Variants in CACNA1C observed in about 807,000 individuals in gnomAD.
The protein encoded by CACNA1C is voltage-dependent L-type calcium channel subunit alpha-1C.
A neutral mutation model predicts 229.0 loss-of-function variants in CACNA1C; 30 were observed. The ratio of observed to expected loss-of-function variants is 0.13; its 90% CI spans 0.10 to 0.18. The LOEUF is 0.18. Ranked by LOEUF, CACNA1C falls within the 10% of genes least tolerant of loss-of-function variation. CACNA1C has a pLI of 1.00. For synonymous variants in CACNA1C, 1,114 were observed against 1,132.5 expected (o/e 0.98, Z 0.33); for missense variants, 1,658 against 2,845.0 (o/e 0.58, Z 9.49).
At chr12:2,194,939 C>T (rs912720962) in intron 3 of CACNA1C, among the ~76,000 whole-genome samples, 6 of 152,170 alleles carry the variant, frequency 3.9e-5, no homozygotes, top group Admixed American at 1.3e-4. Context: ...CACTTTATTC[C>T]CAAGAGCAAA....
chr12:2,619,432 C>G (rs1175097155), intron 29 of CACNA1C, among the ~76,000 whole-genome samples: 1 of 152,174 alleles, frequency 6.6e-6, no homozygotes, highest in East Asian at 1.9e-4. Flanking sequence ...TTTAAATGGG[C>G]CCTTTTGCAA....
chr12:2,430,241 A>C (rs2099069555), intron 3 of CACNA1C, among the ~76,000 whole-genome samples: 1 of 152,148 alleles, frequency 6.6e-6, no homozygotes, highest in South Asian at 2.1e-4. Context: ...TAGGATTTCA[A>C]CATAGGAATT....
chr12:2,568,506 T>C (rs768374226), intron 13 of CACNA1C, among the ~76,000 whole-genome samples: 4 of 152,192 alleles, frequency 2.6e-5, no homozygotes, highest in Non-Finnish European at 5.9e-5. Context: ...CAAAGAGATA[T>C]TTGCACACCC....
chr12:2,318,666 A>G (rs4765918), intron 3 of CACNA1C, among the ~76,000 whole-genome samples: 150,872 of 152,306 alleles, frequency 0.99, 74,754 homozygotes, highest in Middle Eastern at 1. Flanking sequence ...TTTACAGATC[A>G]CCAGACAGGC....
rs1430516663 is a variant in CACNA1C, at chr12:2,512,868, G to A, written c.1274G>A (p.Arg425Gln). 1 of 1,613,096 alleles carries A rather than the reference G, an allele frequency of 6.2e-7. No individual in the cohort carries two copies. Among genetic ancestry groups the A allele is most frequent in the Non-Finnish European group, 8.5e-7 (1 of 1,179,392 alleles). ...AKARGDFQKLREKQQLEEDLK... is the reference protein window; with the variant it reads ...AKARGDFQKLQEKQQLEEDLK... ...GCCCGGGGAGATTTCCAGAAGCTGC[G>A]GGAGAAGCAGCAGCTAGAAGAGGAT... Residue 425 changes from arginine (R) to glutamine (Q), a missense_variant, in exon 9 of 47, where the codon CGG becomes CAG. Around this residue, in one of 20 missense-constraint regions of CACNA1C, gnomAD observed 84 missense variants for 202.6 expected, o/e 0.41. Coordinates refer to ENST00000399655, the MANE Select transcript of CACNA1C (RefSeq NM_000719.7). This position sits in a 1 kb window ranked among gnomAD's most constrained non-coding sequence, Gnocchi z 4.3.
intron 7 of CACNA1C, among the ~76,000 whole-genome samples, chr12:2,503,056 C>T (rs1361014453): frequency 1.3e-5 from 2 of 152,322 alleles, no homozygotes; most frequent in East Asian, 3.9e-4. Context: ...TGTGGAGGTA[C>T]ATGGAGAGCC....
Position 2,679,607 on chromosome 12 carries a change from C to G in CACNA1C, c.5255C>G (p.Thr1752Ser). 6.2e-7 allele frequency: 1 copy of G among 1,613,882 alleles called. No individual in the cohort carries two copies. Among genetic ancestry groups the G allele is most frequent in the Non-Finnish European group, 8.5e-7 (1 of 1,179,856 alleles). Residue 1752 changes from threonine to serine, a missense_variant, in exon 42 of 47, where the codon ACC (threonine) becomes AGC (serine). Physicochemically the swap from Thr to Ser is moderately conservative, Grantham distance 58 (BLOSUM62 1). This residue lies in a region of CACNA1C where 590 missense variants were observed against 700.8 expected (regional missense o/e 0.84). Coordinates refer to ENST00000399655, the MANE Select transcript of CACNA1C (RefSeq NM_000719.7). The surrounding 1 kb of genome is among the most constrained non-coding windows in gnomAD (Gnocchi z 5.5). ...SPSHEKLVDS[T>S]FTPSSYSSTG... ...TCCCACGAGAAGCTGGTGGACTCCA[C>G]CTTCACCCCGAGCAGCTACTCGTCC...
Position 2,346,361 on chromosome 12 carries a change from T to C in CACNA1C, c.478-102615T>C, listed in dbSNP as rs1016336525. 3.3e-5 allele frequency among the ~76,000 whole-genome samples: 5 copies of C among 152,048 alleles called. No individual in the cohort carries two copies. Among genetic ancestry groups the C allele is most frequent in the Admixed American group, 3.3e-4 (5 of 15,280 alleles). Reference sequence around the variant, plus strand: ...GTGTGTGCCTATGTATGTCTCTGTGTTTGTGTGTTTGTGTGTCTATGTCTG... The same window carrying C: ...GTGTGTGCCTATGTATGTCTCTGTGCTTGTGTGTTTGTGTGTCTATGTCTG... On this transcript the variant is annotated intron_variant, in intron 3 of 46. Transcript: ENST00000399655. This position sits in a 1 kb window ranked among gnomAD's most constrained non-coding sequence, Gnocchi z 4.4.
chr12:2,313,591 T>C (rs755532115), intron 3 of CACNA1C, among the ~76,000 whole-genome samples: 2 of 152,230 alleles, frequency 1.3e-5, no homozygotes, highest in Non-Finnish European at 2.9e-5. Context: ...TTTGGTTTCC[T>C]TGGTTCATTT....
Position 2,302,825 on chromosome 12 carries a change from C to T in CACNA1C, c.478-146151C>T, listed in dbSNP as rs2094676734. ...AGAATGGTATTTTGGTCTATTTTGTCTCTCTGCCCTCTGTGTTCTAATTTG... is the reference window on the plus strand; with the variant it reads ...AGAATGGTATTTTGGTCTATTTTGTTTCTCTGCCCTCTGTGTTCTAATTTG... On this transcript the variant is annotated intron_variant, in intron 3 of 46. Transcript: ENST00000399655. Among the ~76,000 whole-genome samples, 3 of 152,354 alleles carry T rather than the reference C, an allele frequency of 2.0e-5. No individual in the cohort carries two copies. The East Asian group carries it at 5.8e-4, about 29-fold the overall frequency.
At chr12:2,297,565 G>A (rs1475582137) in intron 3 of CACNA1C, among the ~76,000 whole-genome samples, 2 of 152,222 alleles carry the variant, frequency 1.3e-5, no homozygotes, top group African/African-American at 4.8e-5. Flanking sequence ...GTAGAAAGCA[G>A]ACGCCCAGGT....
In CACNA1C at chr12:2,653,894, G is replaced by A. The variant is rs774220604; in HGVS notation, c.4134G>A (p.Gly1378=). The A allele has an allele frequency of 1.2e-6, 2 of 1,613,612 alleles. No homozygotes were observed. The highest frequency in any genetic ancestry group is 1.3e-5 in the African/African-American group (1 of 74,898). The part of the protein sequence containing the change: ...VMLFFIYAVI[G]MQVFGKIALN... ...TGTTCTTCATCTACGCGGTGATCGG[G>A]ATGCAGGTAGGGAGGCTCCCACCAC... Residue 1378 remains glycine (G), a synonymous_variant, in exon 33 of 47, where the codon GGG becomes GGA. Coordinates refer to ENST00000399655, the MANE Select transcript of CACNA1C (RefSeq NM_000719.7). The surrounding 1 kb of genome is among the most constrained non-coding windows in gnomAD (Gnocchi z 4.7).
intron 3 of CACNA1C, among the ~76,000 whole-genome samples, chr12:2,339,363 A>T (rs1363926555): frequency 6.6e-6 from 1 of 152,282 alleles, no homozygotes; most frequent in South Asian, 2.1e-4. Context: ...TGTGTGAGTC[A>T]TGAGTGAGTG....
At chr12:2,491,024 A>G (rs571772861) in intron 6 of CACNA1C, among the ~76,000 whole-genome samples, 2 of 152,362 alleles carry the variant, frequency 1.3e-5, no homozygotes, top group East Asian at 1.9e-4. Context: ...TAAACATACA[A>G]TGAAATACAC....
intron 3 of CACNA1C, among the ~76,000 whole-genome samples, chr12:2,284,178 G>A (rs928692602): frequency 6.6e-6 from 1 of 152,184 alleles, no homozygotes; most frequent in Admixed American, 6.5e-5. Flanking sequence ...AGGGGCCGAT[G>A]TCTTTCAGAT....
chr12:2,672,925 A>G (rs184546767), intron 38 of CACNA1C, among the ~76,000 whole-genome samples: 2 of 152,322 alleles, frequency 1.3e-5, no homozygotes, highest in East Asian at 3.9e-4. Flanking sequence ...TGCAGCTGGA[A>G]GGCCCAGGAG....
chr12:2,216,964 T>C (rs999703312), intron 3 of CACNA1C, among the ~76,000 whole-genome samples: 1 of 152,238 alleles, frequency 6.6e-6, no homozygotes, highest in African/African-American at 2.4e-5. Flanking sequence ...CCCATGTTCA[T>C]ATCAACATTA....
chr12:2,439,397 G>T (rs967597397), intron 3 of CACNA1C, among the ~76,000 whole-genome samples: 1 of 152,222 alleles, frequency 6.6e-6, no homozygotes, highest in African/African-American at 2.4e-5. Flanking sequence ...GGCCACTGGG[G>T]TGTGCAAATC....
intron 7 of CACNA1C, among the ~76,000 whole-genome samples, chr12:2,495,511 T>C (rs1428438049): frequency 6.6e-6 from 1 of 152,220 alleles, no homozygotes; most frequent in Non-Finnish European, 1.5e-5. Flanking sequence ...CACCACTCCC[T>C]TCTTCTCCCA....
Sources: allele counts gnomAD v4.1 joint callset (sites outside exome capture counted in the v4.1 genomes callset), GRCh38; gene constraint gnomAD v4.1.1; regional missense constraint gnomAD v4.1.1; non-coding constraint Gnocchi (gnomAD v3.1); transcripts MANE v1.5; gene names NCBI Gene and HGNC (gene_info 2026-07-23, HGNC 2026-07-21).